Variants in PDZRN4 observed in about 807,000 individuals in gnomAD.
PDZRN4 encodes the protein PDZ domain-containing RING finger protein 4.
PDZRN4 carries 70 observed loss-of-function variants against 99.0 expected under a neutral mutation model. The observed-to-expected ratio is 0.71, with a 90% confidence interval of 0.58 to 0.86. The LOEUF (loss-of-function observed/expected upper bound fraction) is 0.86, where lower values mean the gene tolerates loss of function less well. Ranked by LOEUF, PDZRN4 falls within the 40% of genes least tolerant of loss-of-function variation. The pLI, the probability that PDZRN4 is intolerant of heterozygous loss-of-function variation, is 0.00. For synonymous variants in PDZRN4, 551 were observed against 501.6 expected (o/e 1.10, Z -1.32); for missense variants, 1,474 against 1,331.2 (o/e 1.11, Z -1.67).
intron 3 of PDZRN4, among the ~76,000 whole-genome samples, chr12:41,468,009 A>G (rs1952945358): frequency 6.6e-6 from 1 of 152,208 alleles, no homozygotes; most frequent in African/African-American, 2.4e-5. Flanking sequence ...AGTGCCAGGC[A>G]TTGCATTTTG....
At chr12:41,412,425 A>G (rs1952407082) in intron 3 of PDZRN4, 1 of 151,234 alleles carries the variant, frequency 6.6e-6, no homozygotes. Flanking sequence ...AAACTTGGCC[A>G]TGGCTGATAT....
At chr12:41,437,918 A>G in intron 3 of PDZRN4, 2 of 1,613,672 alleles carry the variant, frequency 1.2e-6, no homozygotes, top group Non-Finnish European at 1.7e-6. Flanking sequence ...AAATTAGAAG[A>G]TTTGCTCTCT....
chr12:41,460,777 A>G (rs1818416642), intron 3 of PDZRN4, among the ~76,000 whole-genome samples: 1 of 152,178 alleles, frequency 6.6e-6, no homozygotes, highest in Non-Finnish European at 1.5e-5. Flanking sequence ...TACTTTCTTG[A>G]GTGGAAAAGG....
intron 3 of PDZRN4, among the ~76,000 whole-genome samples, chr12:41,370,049 T>C (rs188386078): frequency 8.1e-4 from 123 of 152,080 alleles, no homozygotes; most frequent in African/African-American, 2.9e-3. Context: ...TTATCCACCA[T>C]TTTAAATTAC....
intron 3 of PDZRN4, among the ~76,000 whole-genome samples, chr12:41,244,202 C>T (rs1179186694): frequency 6.6e-6 from 1 of 152,128 alleles, no homozygotes; most frequent in Non-Finnish European, 1.5e-5. Context: ...GTTGCTTAGG[C>T]CAAACCCTCA....
chr12:41,379,098 T>C (rs1458370554), intron 3 of PDZRN4, among the ~76,000 whole-genome samples: 2 of 152,116 alleles, frequency 1.3e-5, no homozygotes, highest in African/African-American at 2.4e-5. Flanking sequence ...ATAGGTTATA[T>C]GTTTCCAGGA....
At chr12:41,501,771 A>C (rs10880082) in intron 3 of PDZRN4, among the ~76,000 whole-genome samples, 23,059 of 152,176 alleles carry the variant, frequency 0.15, 2,158 homozygotes, top group Non-Finnish European at 0.21. Flanking sequence ...CCATCACTTG[A>C]ATATATAATC....
At chr12:41,339,872 G>A (rs971048939) in intron 3 of PDZRN4, among the ~76,000 whole-genome samples, 1 of 152,002 alleles carries the variant, frequency 6.6e-6, no homozygotes, top group Non-Finnish European at 1.5e-5. Flanking sequence ...ACTAAAATGA[G>A]ATATTATTTT....
At chr12:41,428,995 T>TGGAGAA (rs1172137199) in intron 3 of PDZRN4, among the ~76,000 whole-genome samples, 7 of 152,156 alleles carry the variant, frequency 4.6e-5, no homozygotes, top group African/African-American at 1.7e-4. Flanking sequence ...TTCTGTGATA[T>TGGAGAA]GGAGAACGTG....
chr12:41,290,859 C>T (rs1055701323), intron 3 of PDZRN4, among the ~76,000 whole-genome samples: 2 of 152,000 alleles, frequency 1.3e-5, no homozygotes, highest in Non-Finnish European at 2.9e-5. Context: ...TATTCATTTA[C>T]AAAAATTTAC....
intron 3 of PDZRN4, among the ~76,000 whole-genome samples, chr12:41,400,342 A>G (rs1952281005): frequency 6.6e-6 from 1 of 152,154 alleles, no homozygotes; most frequent in Non-Finnish European, 1.5e-5. Flanking sequence ...TGATATAGAA[A>G]TCATATAATT....
chr12:41,509,784 C>G, intron 4 of PDZRN4, 27 bp from the exon 5 acceptor site: 1 of 1,042,278 alleles, frequency 9.6e-7, no homozygotes, highest in Admixed American at 2.0e-5. Flanking sequence ...TTAATCTATT[C>G]CTATCATATT....
chr12:41,260,747 A>G (rs543217620), intron 3 of PDZRN4, among the ~76,000 whole-genome samples: 3 of 152,278 alleles, frequency 2.0e-5, no homozygotes, highest in African/African-American at 7.2e-5. Context: ...CAGTAATAAG[A>G]ATCTTATATA....
intron 3 of PDZRN4, among the ~76,000 whole-genome samples, chr12:41,450,051 A>T (rs998011892): frequency 1.3e-5 from 2 of 152,156 alleles, no homozygotes; most frequent in African/African-American, 4.8e-5. Context: ...AATTTCTTCA[A>T]CTGCAAATAT....
rs563775654 is a variant in PDZRN4 at position 41,299,682 on chromosome 12, T to G, written c.843+105494T>G. 9.5e-4 allele frequency among the ~76,000 whole-genome samples: 143 copies of G among 149,836 alleles called. 1 individual carries two copies. The highest frequency in any genetic ancestry group is 1.9e-3 in the Non-Finnish European group (129 of 67,216). ...TTAATTTAATTTTATGGGAAACAAC[T>G]GTAAATAATCCTACTATGTTTTTAC... is the stretch of plus-strand genomic sequence containing the variant. On this transcript the variant is annotated intron_variant, in intron 3 of 9. Coordinates refer to ENST00000402685, the MANE Select transcript of PDZRN4 (RefSeq NM_001164595.2).
At chr12:41,322,636 G>A (rs1294328967) in intron 3 of PDZRN4, among the ~76,000 whole-genome samples, 2 of 151,332 alleles carry the variant, frequency 1.3e-5, no homozygotes, top group Non-Finnish European at 2.9e-5. Context: ...GACTACAGGT[G>A]CCCACCACCA....
At chr12:41,554,786 A>T (rs920133399) in intron 6 of PDZRN4, among the ~76,000 whole-genome samples, 1 of 152,058 alleles carries the variant, frequency 6.6e-6, no homozygotes, top group East Asian at 1.9e-4. Flanking sequence ...AGTACTGAGT[A>T]ATTAAATGCA....
intron 3 of PDZRN4, among the ~76,000 whole-genome samples, chr12:41,401,613 C>T (rs889908672): frequency 6.6e-6 from 1 of 152,110 alleles, no homozygotes; most frequent in African/African-American, 2.4e-5. Context: ...CTTTGCCATT[C>T]TAGTCTTCAC....
chr12:41,256,404 T>C (rs1951204621), intron 3 of PDZRN4, among the ~76,000 whole-genome samples: 1 of 152,182 alleles, frequency 6.6e-6, no homozygotes, highest in East Asian at 1.9e-4. Context: ...CTTAAATACC[T>C]TTATCCTCTG....
Sources: allele counts gnomAD v4.1 joint callset (sites outside exome capture counted in the v4.1 genomes callset), GRCh38; gene constraint gnomAD v4.1.1; transcripts MANE v1.5; gene names NCBI Gene and HGNC (gene_info 2026-07-23, HGNC 2026-07-21).